Variants in TNKS1BP1 observed in about 807,000 individuals in gnomAD.
TNKS1BP1 encodes 182 kDa tankyrase-1-binding protein.
A neutral mutation model predicts 141.1 loss-of-function variants in TNKS1BP1; 48 were observed. The observed-to-expected ratio is 0.34, with a 90% CI of 0.27 to 0.43. The LOEUF (loss-of-function observed/expected upper bound fraction) is 0.43, where lower values mean the gene tolerates loss of function less well. Among genes scored for constraint, TNKS1BP1 ranks in the 20% least tolerant of loss-of-function variants. TNKS1BP1 has a pLI of 1.00. For missense variants in TNKS1BP1, 2,149 were observed against 2,226.0 expected (o/e 0.97, Z 0.70); for synonymous variants, 875 against 898.2 (o/e 0.97, Z 0.46).
rs773768047 is a variant in TNKS1BP1, at chr11:57,313,409, G to A, written c.1279C>T (p.Arg427Ter). ...HLRPTSLVQR[R>*]FSEGVLQSPS... is the part of the protein sequence containing the mutation. ...GACTGGAGCACACCTTCAGAGAATCGGCGCTGAACCAGGCTGGTGGGGCGG... is the reference window on the plus strand; with the variant it reads ...GACTGGAGCACACCTTCAGAGAATCAGCGCTGAACCAGGCTGGTGGGGCGG... The change falls in exon 5 of 12, where the codon CGA (arginine) becomes TGA (stop). Residue 427 changes from arginine to a stop codon, truncating the protein, a stop_gained. Coordinates refer to ENST00000358252, the MANE Select transcript of TNKS1BP1 (RefSeq NM_033396.3). LOFTEE classifies it high-confidence loss of function. 8 of 1,611,624 alleles carry A rather than the reference G, an allele frequency of 5.0e-6. No individual in the cohort carries two copies. The highest frequency in any genetic ancestry group is 1.3e-5 in the African/African-American group (1 of 74,908).
Position 57,302,742 on chromosome 11 carries a change from G to T in TNKS1BP1, c.4400C>A (p.Ala1467Glu). 6.3e-7 allele frequency: 1 copy of T among 1,584,448 alleles called. No individual in the cohort carries two copies. The highest frequency in any genetic ancestry group is 1.7e-5 in the Admixed American group (1 of 57,940). Residue 1467 changes from alanine to glutamate, a missense_variant, in exon 7 of 12, where the codon GCG (alanine) becomes GAG (glutamate). Ala to Glu is a moderately radical substitution (Grantham distance 107). Transcript: ENST00000358252. The surrounding 1 kb of genome is among the most constrained non-coding windows in gnomAD (Gnocchi z 5.5). The stretch of plus-strand genomic sequence containing the variant: ...GGCCGCTGACTCCCTCCGAGCCACC[G>T]CCTTGGAGCTGCTGGCTGCCAGCAT... Reference protein sequence around the residue: ...EEMLAASSSKAVARRESAASG... With the variant: ...EEMLAASSSKEVARRESAASG...
chr11:57,310,065 G>C lies in TNKS1BP1; in HGVS notation c.2646C>G (p.Ser882Arg). The change falls in exon 6 of 12, where the codon AGC becomes AGG. Residue 882 changes from serine (S) to arginine (R), a missense_variant. By Grantham distance (110) the Ser-to-Arg change is moderately radical. Transcript: ENST00000358252. ...TCTTCCCAAATTCCCAGTCCCCAAG[G>C]CTTACATCTCGACTACTGTAGGTAC... is the stretch of plus-strand genomic sequence containing the variant. ...SLGTYSSRDV[S>R]LGDWEFGKRD... is the part of the protein sequence containing the mutation. 1 of 1,614,156 alleles carries C rather than the reference G, an allele frequency of 6.2e-7. No individual in the cohort carries two copies. The highest frequency in any genetic ancestry group is 8.5e-7 in the Non-Finnish European group (1 of 1,180,040).
chr11:57,310,720 G>A (rs1456889460), intron 5 of TNKS1BP1, among the ~76,000 whole-genome samples, 164 bp from the exon 6 acceptor site: 3 of 152,208 alleles, frequency 2.0e-5, no homozygotes, highest in African/African-American at 4.8e-5. Flanking sequence ...GGGTCTCAGC[G>A]TCCTCATCCT....
Position 57,309,526 on chromosome 11 carries a change from T to G in TNKS1BP1, c.3185A>C (p.Glu1062Ala). ...GCCCTGAGCCCCTGCCTGCTGTCTC[T>G]CCTGATGCCCTCCCACCTCCTGGCT... ...DASQEVGGHQERQQAGAQGPG... is the reference protein window; with the variant it reads ...DASQEVGGHQARQQAGAQGPG... The change falls in exon 6 of 12, where the codon GAG (glutamate) becomes GCG (alanine). Residue 1062 changes from glutamate (E) to alanine (A), a missense_variant. By Grantham distance (107) the Glu-to-Ala change is moderately radical. Transcript: ENST00000358252. The surrounding 1 kb of genome is among the most constrained non-coding windows in gnomAD (Gnocchi z 4.3). 2 of 1,613,646 alleles carry G rather than the reference T, an allele frequency of 1.2e-6. No individual in the cohort carries two copies. The highest frequency in any genetic ancestry group is 1.7e-6 in the Non-Finnish European group (2 of 1,180,036).
intron 2 of TNKS1BP1, among the ~76,000 whole-genome samples, chr11:57,321,175 G>A (rs1855880082): frequency 6.6e-6 from 1 of 152,000 alleles, no homozygotes; most frequent in East Asian, 1.9e-4. Context: ...TCTCAGCTGA[G>A]CTTCTCTATC....
rs34905018 is a variant in TNKS1BP1 at position 57,302,696 on chromosome 11, C to T, written c.4446G>A (p.Leu1482=). ...CACCTGCCCCGGCTCCTTCCTCCTC[C>T]AACAGGCCCCCAAGGCCCGAGGCCG... is the stretch of plus-strand genomic sequence containing the variant. The part of the protein sequence containing the change: ...ESAASGLGGL[L]EEEGAGAGAA... Residue 1482 remains leucine, a synonymous_variant, in exon 7 of 12, where the codon TTG becomes TTA. Coordinates refer to ENST00000358252, the MANE Select transcript of TNKS1BP1 (RefSeq NM_033396.3). This position sits in a 1 kb window ranked among gnomAD's most constrained non-coding sequence, Gnocchi z 5.5. The T allele has an allele frequency of 0.022, 34,898 of 1,605,388 alleles. 497 individuals are homozygous for T. Among genetic ancestry groups the T allele is most frequent in the Admixed American group, 0.024 (1,415 of 59,758 alleles).
chr11:57,321,748 AC>A (rs772656643), intron 2 of TNKS1BP1, 43 bp downstream of exon 2: 73 of 669,544 alleles, frequency 1.1e-4, no homozygotes, highest in Non-Finnish European at 1.7e-4. Context: ...TGTCCTTCCC[AC>A]CCCCCTCCCA....
chr11:57,301,667 C>G, intron 9 of TNKS1BP1, 140 bp downstream of exon 9: 1 of 1,209,848 alleles, frequency 8.3e-7, no homozygotes, highest in Non-Finnish European at 1.1e-6. Context: ...TTCTGGAGCC[C>G]TCGATGGAGA....
chr11:57,311,623 C>T (rs1000116445), intron 5 of TNKS1BP1, among the ~76,000 whole-genome samples: 1 of 152,210 alleles, frequency 6.6e-6, no homozygotes, highest in Non-Finnish European at 1.5e-5. Flanking sequence ...CTCCCCGCCC[C>T]GCAGCCCCCA....
At chr11:57,318,243 T>C (rs1386232028) in intron 3 of TNKS1BP1, among the ~76,000 whole-genome samples, 1 of 152,178 alleles carries the variant, frequency 6.6e-6, no homozygotes, top group Non-Finnish European at 1.5e-5. Context: ...CCAGGAAGAG[T>C]GCAGCTGGTC....
chr11:57,311,332 A>C (rs1203686565), intron 5 of TNKS1BP1: 2 of 985,630 alleles, frequency 2.0e-6, no homozygotes, highest in Non-Finnish European at 2.4e-6. Flanking sequence ...CAGGATAGAC[A>C]TGCTGGCCTC....
In TNKS1BP1 at chr11:57,321,893, G is replaced by A. The variant is rs200929059; in HGVS notation, c.-8C>T. 24 of 1,613,910 alleles carry A rather than the reference G, an allele frequency of 1.5e-5. No homozygotes were observed. Among genetic ancestry groups the A allele is most frequent in the South Asian group, 5.5e-5 (5 of 91,080 alleles). On this transcript the variant is annotated 5_prime_UTR_variant, in exon 2 of 12. Coordinates refer to ENST00000358252, the MANE Select transcript of TNKS1BP1 (RefSeq NM_033396.3). ...GAGAGTAGACACTTTCATCACATGC[G>A]GCAGACCCTCCTTGAGAGCGGGGAG...
Position 57,324,863 on chromosome 11 carries a change from G to T in TNKS1BP1, c.-89C>A. On this transcript the variant is annotated 5_prime_UTR_variant, in exon 1 of 12. Transcript: ENST00000358252. ...ACGCGCTCGCCCGGGGTCCGGCTCC[G>T]CTCGGCTCGGGGCCCCGATGCCAGT... The T allele has an allele frequency of 1.0e-6, 1 of 986,920 alleles. No homozygotes were observed. Among genetic ancestry groups the T allele is most frequent in the Non-Finnish European group, 1.2e-6 (1 of 832,012 alleles). The allele number at this position is 986,920 out of a possible 1,614,324, so 61.1% of individuals were successfully genotyped here.
In TNKS1BP1 at chr11:57,302,910, A is replaced by T; in HGVS notation, c.4317-85T>A. ...GCCTACTTCACAAGCTCCTTCCCCCAGCCCCCAAACTCTCCCTTGCCCTCC... is the reference window on the plus strand; with the variant it reads ...GCCTACTTCACAAGCTCCTTCCCCCTGCCCCCAAACTCTCCCTTGCCCTCC... On this transcript the variant is annotated intron_variant, in intron 6 of 11. Coordinates refer to ENST00000358252, the MANE Select transcript of TNKS1BP1 (RefSeq NM_033396.3). The surrounding 1 kb of genome is among the most constrained non-coding windows in gnomAD (Gnocchi z 5.5). The T allele has an allele frequency of 7.1e-7, 1 of 1,408,522 alleles. No homozygotes were observed. The highest frequency in any genetic ancestry group is 9.3e-7 in the Non-Finnish European group (1 of 1,076,926). The allele number at this position is 1,408,522 out of a possible 1,614,324, so 87.3% of individuals were successfully genotyped here.
chr11:57,307,276 C>T (rs1478750250), intron 6 of TNKS1BP1, among the ~76,000 whole-genome samples: 1 of 152,130 alleles, frequency 6.6e-6, no homozygotes, highest in African/African-American at 2.4e-5. Context: ...CTGCCCAGGA[C>T]CACAAGGGCC....
chr11:57,315,851 G>A (rs575586355), intron 4 of TNKS1BP1, among the ~76,000 whole-genome samples: 1 of 151,774 alleles, frequency 6.6e-6, no homozygotes, highest in African/African-American at 2.4e-5. Context: ...TGGGGCTGAG[G>A]TCAATCCCTC....
intron 9 of TNKS1BP1, among the ~76,000 whole-genome samples, chr11:57,301,345 C>T (rs1565036799): frequency 6.6e-6 from 1 of 152,148 alleles, no homozygotes. Flanking sequence ...ACCCCACCAT[C>T]CCAGCTCCAG....
At position 57,320,610 on chromosome 11, in the gene TNKS1BP1, C is replaced by T. The variant is rs201731696; in HGVS notation, c.197G>A (p.Arg66Gln). The part of the protein sequence containing the change: ...KPSLLVPVGP[R>Q]PPRGPLAELP... Reference sequence around the variant, plus strand: ...CTCAGCCAGGGGACCCCGGGGAGGCCGAGGCCCAACAGGCACCAGCAGGCT... The same window carrying T: ...CTCAGCCAGGGGACCCCGGGGAGGCTGAGGCCCAACAGGCACCAGCAGGCT... The change falls in exon 3 of 12, where the codon CGG becomes CAG. Residue 66 changes from arginine (R) to glutamine (Q), a missense_variant. Transcript: ENST00000358252. 24 of 1,613,772 alleles carry T rather than the reference C, an allele frequency of 1.5e-5. No individual in the cohort carries two copies. The highest frequency in any genetic ancestry group is 1.9e-5 in the Non-Finnish European group (22 of 1,179,976).
At chr11:57,316,114 A>C (rs1410485742) in intron 4 of TNKS1BP1, among the ~76,000 whole-genome samples, 1 of 152,008 alleles carries the variant, frequency 6.6e-6, no homozygotes, top group Non-Finnish European at 1.5e-5. Context: ...TTACCTTGCC[A>C]CCTAACTACT....
Sources: allele counts gnomAD v4.1 joint callset (sites outside exome capture counted in the v4.1 genomes callset), GRCh38; gene constraint gnomAD v4.1.1; non-coding constraint Gnocchi (gnomAD v3.1); transcripts MANE v1.5; gene names NCBI Gene and HGNC (gene_info 2026-07-23, HGNC 2026-07-21).